Variants in CCDC66 observed in about 807,000 individuals in gnomAD.
CCDC66 encodes coiled-coil domain-containing protein 66.
In CCDC66, 133 loss-of-function variants were observed where a neutral mutation model predicts 128.3. That is an observed-to-expected ratio of 1.04 (90% CI 0.90 to 1.20). CCDC66 has a LOEUF of 1.20. Ranked by LOEUF, CCDC66 falls within the 50% of genes most tolerant of loss-of-function variation. CCDC66 has a pLI of 0.00. For synonymous variants in CCDC66, 387 were observed against 357.0 expected (o/e 1.08, Z -0.95); for missense variants, 1,126 against 1,075.5 (o/e 1.05, Z -0.66).
rs750891883 is a variant in CCDC66, at chr3:56,593,781, T to C, written c.1319+40T>C. The C allele has an allele frequency of 8.2e-5, 131 of 1,600,118 alleles. 3 individuals carry two copies. The Middle Eastern group carries it at 2.0e-3, about 24-fold the overall frequency. ...ATGTATTTATTGACTTTTCAGAAAG[T>C]CTGTGTGCTTTAGTAAGACTGTTGT... On this transcript the variant is annotated intron_variant, in intron 9 of 17. Coordinates refer to ENST00000394672, the MANE Select transcript of CCDC66 (RefSeq NM_001141947.3).
chr3:56,594,559 G>A (rs1018700652), intron 10 of CCDC66, among the ~76,000 whole-genome samples: 5 of 151,964 alleles, frequency 3.3e-5, no homozygotes, highest in African/African-American at 1.2e-4. Context: ...GCAGGCGCCT[G>A]TAGTCCCCAG....
rs1236333156 is a variant in CCDC66, at chr3:56,616,156, TGA to T, written c.1843+105_1843+106del. 15 of 1,045,414 alleles carry T rather than the reference TGA, an allele frequency of 1.4e-5. No individual in the cohort carries two copies. In the East Asian group the frequency reaches 2.7e-4, roughly 18 times the overall value. The allele number at this position is 1,045,414 out of a possible 1,614,324, so 64.8% of individuals were successfully genotyped here. ...TAAAAGTTCAAAAATTAACAAAACTTGAGGTTTTCAGTAAGAGTTACAAAATA... is the reference window on the plus strand; with the variant it reads ...TAAAAGTTCAAAAATTAACAAAACTTGGTTTTCAGTAAGAGTTACAAAATA... On this transcript the variant is annotated intron_variant, in intron 13 of 17. Transcript: ENST00000394672.
At chr3:56,577,334 A>G (rs1559644317) in intron 7 of CCDC66, among the ~76,000 whole-genome samples, 1 of 151,842 alleles carries the variant, frequency 6.6e-6, no homozygotes, top group South Asian at 2.1e-4. Context: ...CCTTTGTCAG[A>G]TGAGTAGATT....
intron 7 of CCDC66, chr3:56,572,415 G>C: frequency 1.6e-6 from 2 of 1,287,896 alleles, no homozygotes; most frequent in Non-Finnish European, 2.0e-6. Flanking sequence ...CTTAGAGCTA[G>C]TCAGACTTTA....
chr3:56,593,948 C>G lies in CCDC66; in HGVS notation c.1324C>G (p.Leu442Val). 1 of 1,614,148 alleles carries G rather than the reference C, an allele frequency of 6.2e-7. No individual in the cohort carries two copies. Among genetic ancestry groups the G allele is most frequent in the Non-Finnish European group, 8.5e-7 (1 of 1,180,012 alleles). ...CTAATGTATGTATCTTGCCAGCTTT[C>G]TCCGTTCTATGACTGCTCTCTTGGA... ...VMANSKKTNF[L>V]RSMTALLDPA... is the part of the protein sequence containing the mutation. Residue 442 changes from leucine to valine, a missense_variant, in exon 10 of 18, where the codon CTC becomes GTC. Transcript: ENST00000394672.
At chr3:56,603,310 T>C (rs962951782) in intron 10 of CCDC66, among the ~76,000 whole-genome samples, 3 of 152,070 alleles carry the variant, frequency 2.0e-5, no homozygotes, top group African/African-American at 7.3e-5. Context: ...ATCTTAGTTA[T>C]TTCTTGTCTT....
chr3:56,561,865 A>T (rs1403116327), intron 3 of CCDC66, among the ~76,000 whole-genome samples: 1 of 152,060 alleles, frequency 6.6e-6, no homozygotes, highest in Non-Finnish European at 1.5e-5. Context: ...CTCCTGAGTT[A>T]CTACAACACC....
chr3:56,610,935 C>T (rs2074710398), intron 10 of CCDC66, among the ~76,000 whole-genome samples: 1 of 152,166 alleles, frequency 6.6e-6, no homozygotes, highest in East Asian at 1.9e-4. Flanking sequence ...GTGGCTCTCT[C>T]AGCCGTGGAT....
chr3:56,595,922 T>G (rs1281578983), intron 10 of CCDC66, among the ~76,000 whole-genome samples: 1 of 152,212 alleles, frequency 6.6e-6, no homozygotes. Flanking sequence ...TTTGTTTGTT[T>G]GCTTGTTTTT....
At chr3:56,604,918 G>A (rs902739955) in intron 10 of CCDC66, among the ~76,000 whole-genome samples, 1 of 151,600 alleles carries the variant, frequency 6.6e-6, no homozygotes, top group Non-Finnish European at 1.5e-5. Context: ...ATCAAACGTA[G>A]ATTTGGTCTT....
chr3:56,619,528 G>GTC lies in CCDC66; in HGVS notation c.2635+2_2635+3insCT. 2 of 1,601,526 alleles carry GTC rather than the reference G, an allele frequency of 1.2e-6. No individual in the cohort carries two copies. Among genetic ancestry groups the GTC allele is most frequent in the Non-Finnish European group, 1.7e-6 (2 of 1,175,356 alleles). On this transcript the variant is annotated splice_donor_variant, in intron 16 of 17. Coordinates refer to ENST00000394672, the MANE Select transcript of CCDC66 (RefSeq NM_001141947.3). LOFTEE classifies it high-confidence loss of function. Reference sequence around the variant, plus strand: ...GACCCTCAGTACCAAAATTCACAAGGTAAGTAAATATTAAGCATTCTAACT... The same window carrying GTC: ...GACCCTCAGTACCAAAATTCACAAGGTCTAAGTAAATATTAAGCATTCTAACT...
chr3:56,563,600 G>T, intron 3 of CCDC66, 84 bp from the exon 4 acceptor site: 2 of 1,108,286 alleles, frequency 1.8e-6, no homozygotes, highest in South Asian at 1.7e-5. Flanking sequence ...AAGTTTAGAG[G>T]ACTGATTTAT....
intron 10 of CCDC66, among the ~76,000 whole-genome samples, chr3:56,603,074 A>G (rs1317322746): frequency 6.6e-6 from 1 of 151,828 alleles, no homozygotes; most frequent in Non-Finnish European, 1.5e-5. Context: ...CAACCTCGTG[A>G]TCCACCCACC....
In CCDC66 at chr3:56,564,029, G is replaced by A. The variant is rs1553659409; in HGVS notation, c.448G>A (p.Val150Met). ...ITAENMKSSL[V>M]CLTQDQLQQI... ...AGCTGAAAACATGAAGAGCAGTTTG[G>A]TGTGTCTAACACAAGACCAACTACA... The change falls in exon 4 of 18, where the codon GTG becomes ATG. Residue 150 changes from valine (V) to methionine (M), a missense_variant. Coordinates refer to ENST00000394672, the MANE Select transcript of CCDC66 (RefSeq NM_001141947.3). 6.2e-7 allele frequency: 1 copy of A among 1,614,006 alleles called. No individual in the cohort carries two copies. The highest frequency in any genetic ancestry group is 8.5e-7 in the Non-Finnish European group (1 of 1,179,928).
At chr3:56,598,382 T>C (rs534729625) in intron 10 of CCDC66, among the ~76,000 whole-genome samples, 2 of 151,850 alleles carry the variant, frequency 1.3e-5, no homozygotes, top group South Asian at 4.1e-4. Flanking sequence ...ATTTATTTTA[T>C]TTATTTTCTA....
At chr3:56,621,393 C>A in intron 17 of CCDC66, 139 bp from the exon 18 acceptor site, 1 of 530,898 alleles carries the variant, frequency 1.9e-6, no homozygotes. Flanking sequence ...CTAGTACAAG[C>A]ATTTCTGAAA....
At chr3:56,589,642 AC>A (rs1377566801) in intron 7 of CCDC66, among the ~76,000 whole-genome samples, 9 of 152,208 alleles carry the variant, frequency 5.9e-5, no homozygotes, top group Admixed American at 5.9e-4. Context: ...CATTAGCACA[AC>A]ATTGAAAGGA....
chr3:56,621,339 C>CAGAATCTTACAAATGTGATAGCTAT (rs2076582535), intron 17 of CCDC66, 193 bp from the exon 18 acceptor site: 1 of 389,224 alleles, frequency 2.6e-6, no homozygotes. Context: ...ATGCTAAAAA[C>CAGAATCTTACAAATGTGATAGCTAT]AGAATCTTAC....
chr3:56,563,546 G>A (rs919175953), intron 3 of CCDC66, 138 bp from the exon 4 acceptor site: 1 of 624,902 alleles, frequency 1.6e-6, no homozygotes, highest in Non-Finnish European at 2.7e-6. Flanking sequence ...AGTATTAAGA[G>A]TTAGTTTCTT....
Sources: gnomAD v4.1 joint callset for allele counts (sites outside exome capture counted in the v4.1 genomes callset) on GRCh38, gnomAD v4.1.1 for gene constraint, MANE v1.5 for transcripts, NCBI Gene and HGNC (gene_info 2026-07-23, HGNC 2026-07-21) for gene names.